Variants in GALNT17 observed in about 807,000 individuals in gnomAD.
The protein encoded by GALNT17 is UDP-GalNAc:polypeptide N-acetylgalactosaminyltransferase-like 3.
Under a neutral mutation model 63.7 loss-of-function variants are expected in GALNT17, and 29 were observed. The ratio of observed to expected loss-of-function variants is 0.46; its 90% CI spans 0.34 to 0.62. The LOEUF (loss-of-function observed/expected upper bound fraction) is 0.62. Ranked by LOEUF, GALNT17 falls within the 20% of genes least tolerant of loss-of-function variation. The probability of loss-of-function intolerance (pLI) is 0.01; values close to 1 mark genes in which losing one functional copy is unlikely to be tolerated. For missense variants in GALNT17, 603 were observed against 799.6 expected (o/e 0.75, Z 2.97); for synonymous variants, 305 against 318.3 (o/e 0.96, Z 0.45).
intron 5 of GALNT17, among the ~76,000 whole-genome samples, chr7:71,445,087 C>T (rs927942341): frequency 1.3e-5 from 2 of 151,102 alleles, no homozygotes; most frequent in Non-Finnish European, 2.9e-5. Context: ...GGTGCAGATG[C>T]GGAGAGCCAT....
intron 9 of GALNT17, among the ~76,000 whole-genome samples, chr7:71,677,635 C>T (rs1221450266): frequency 2.6e-5 from 4 of 151,970 alleles, no homozygotes; most frequent in Non-Finnish European, 5.9e-5. Context: ...CTGCCTCAGC[C>T]TCCAGAGTAG....
intron 1 of GALNT17, among the ~76,000 whole-genome samples, chr7:71,160,130 A>C (rs567423931): frequency 5.9e-5 from 9 of 152,256 alleles, no homozygotes; most frequent in African/African-American, 1.7e-4. Flanking sequence ...TAAATTGGGG[A>C]AACAGGGAAA....
chr7:71,462,287 C>G (rs1187572620), intron 5 of GALNT17, among the ~76,000 whole-genome samples: 1 of 152,154 alleles, frequency 6.6e-6, no homozygotes, highest in African/African-American at 2.4e-5. Context: ...GAGCCTGACA[C>G]TTATTAAAAT....
intron 1 of GALNT17, among the ~76,000 whole-genome samples, chr7:71,227,174 C>CAAA (rs58450619): frequency 1.2e-4 from 7 of 60,812 alleles, no homozygotes; most frequent in Non-Finnish European, 1.6e-4. Context: ...ACCGTCTCTA[C>CAAA]AAAAAAAAAA....
intron 5 of GALNT17, among the ~76,000 whole-genome samples, chr7:71,473,084 T>C (rs1002029210): frequency 4.6e-5 from 7 of 152,038 alleles, no homozygotes; most frequent in African/African-American, 1.7e-4. Context: ...TGTGAGGGAG[T>C]TGGGGCTGGT....
chr7:71,262,760 A>G lies in GALNT17; in HGVS notation c.239-72790A>G, dbSNP rs534943268. ...CAGTCGCGTGATCTTGGCTCACTGC[A>G]ACCTCTGCCTCCTGGGCTCAAGTGA... On this transcript the variant is annotated intron_variant, in intron 1 of 10. Transcript: ENST00000333538. 1.4e-3 allele frequency among the ~76,000 whole-genome samples: 205 copies of G among 145,058 alleles called. 3 individuals carry two copies. Among genetic ancestry groups the G allele is most frequent in the South Asian group, 7.4e-3 (34 of 4,588 alleles).
At chr7:71,355,571 C>A (rs1792268854) in intron 2 of GALNT17, among the ~76,000 whole-genome samples, 2 of 151,714 alleles carry the variant, frequency 1.3e-5, no homozygotes, top group Admixed American at 1.3e-4. Flanking sequence ...CTCACTCTGT[C>A]ACCTAGGCTG....
intron 2 of GALNT17, among the ~76,000 whole-genome samples, chr7:71,376,525 C>T (rs12699036): frequency 0.37 from 53,570 of 146,216 alleles, 10,629 homozygotes; most frequent in Non-Finnish European, 0.46. Flanking sequence ...ATCTGAAGGA[C>T]GCCTCCCTTC....
At chr7:71,660,758 G>A (rs1790896460) in intron 6 of GALNT17, among the ~76,000 whole-genome samples, 1 of 152,202 alleles carries the variant, frequency 6.6e-6, no homozygotes, top group Admixed American at 6.5e-5. Flanking sequence ...AGGCTCAAAA[G>A]CCTTCAGTCC....
chr7:71,657,902 ATGGG>A (rs1327853757), intron 6 of GALNT17, among the ~76,000 whole-genome samples: 1 of 14,298 alleles, frequency 7.0e-5, no homozygotes, highest in Non-Finnish European at 1.8e-4. Context: ...GGATGGATGG[ATGGG>A]TGGATGGATG....
chr7:71,307,579 A>G (rs55690472), intron 1 of GALNT17: 57,330 of 151,258 alleles, frequency 0.38, 11,188 homozygotes, highest in African/African-American at 0.41. Context: ...GCAATCGAGG[A>G]AGACTTCCTG....
intron 5 of GALNT17, among the ~76,000 whole-genome samples, chr7:71,458,623 G>A (rs1483649644): frequency 6.6e-6 from 1 of 152,174 alleles, no homozygotes; most frequent in Admixed American, 6.5e-5. Flanking sequence ...TGGACTTGAA[G>A]GATGGTGAAT....
rs141469606 is a variant in GALNT17 at position 71,317,205 on chromosome 7, G to A, written c.239-18345G>A. Among the ~76,000 whole-genome samples the A allele has an allele frequency of 3.9e-5, 6 of 152,326 alleles. No homozygotes were observed. The East Asian group carries it at 9.7e-4, about 25-fold the overall frequency. ...AACTCTAGCAAGGGAAGGAGCTGAA[G>A]TCACCTGGAACAGCTAGAGGCAGAC... is the stretch of plus-strand genomic sequence containing the variant. On this transcript the variant is annotated intron_variant, in intron 1 of 10. Coordinates refer to ENST00000333538, the MANE Select transcript of GALNT17 (RefSeq NM_022479.3).
At chr7:71,433,726 G>T (rs1184175776) in intron 5 of GALNT17, among the ~76,000 whole-genome samples, 1 of 152,214 alleles carries the variant, frequency 6.6e-6, no homozygotes, top group Non-Finnish European at 1.5e-5. Flanking sequence ...AGCAGAACTG[G>T]TCATGGTAGA....
chr7:71,189,487 A>G lies in GALNT17; in HGVS notation c.238+56447A>G, dbSNP rs574448159. On this transcript the variant is annotated intron_variant, in intron 1 of 10. Coordinates refer to ENST00000333538, the MANE Select transcript of GALNT17 (RefSeq NM_022479.3). ...TGTAGGCGTCAGAGGGATTGATAAG[A>G]CCTGGTGACTAGCTGGTGTGCAGGT... Among the ~76,000 whole-genome samples, 31 of 152,228 alleles carry G rather than the reference A, an allele frequency of 2.0e-4. No homozygotes were observed. In the South Asian group the frequency reaches 6.4e-3, roughly 32 times the overall value.
chr7:71,401,887 G>A (rs1271609939), intron 3 of GALNT17, among the ~76,000 whole-genome samples: 1 of 152,182 alleles, frequency 6.6e-6, no homozygotes, highest in African/African-American at 2.4e-5. Flanking sequence ...CACAATAAAT[G>A]TAATGCTCTT....
chr7:71,389,773 A>G (rs1161633857), intron 3 of GALNT17, among the ~76,000 whole-genome samples: 3 of 152,268 alleles, frequency 2.0e-5, no homozygotes, highest in East Asian at 3.9e-4. Flanking sequence ...GTTTATCTAC[A>G]TTGGAATTCT....
At chr7:71,503,090 C>CT in intron 5 of GALNT17, among the ~76,000 whole-genome samples, 1 of 152,262 alleles carries the variant, frequency 6.6e-6, no homozygotes, top group East Asian at 1.9e-4. Context: ...TGTTGGGCTA[C>CT]TTTTTTCCCC....
At chr7:71,394,985 T>C (rs1298350453) in intron 3 of GALNT17, among the ~76,000 whole-genome samples, 1 of 151,974 alleles carries the variant, frequency 6.6e-6, no homozygotes, top group Non-Finnish European at 1.5e-5. Flanking sequence ...GCCTGTAGTC[T>C]GAGCTACTCG....
Sources: allele counts gnomAD v4.1 joint callset (sites outside exome capture counted in the v4.1 genomes callset), GRCh38; gene constraint gnomAD v4.1.1; transcripts MANE v1.5; gene names NCBI Gene and HGNC (gene_info 2026-07-23, HGNC 2026-07-21).